Variants in CNGB3 observed in about 807,000 individuals in gnomAD.
The protein encoded by CNGB3 is cyclic nucleotide gated channel subunit beta 3.
In CNGB3, 86 loss-of-function variants were observed where a neutral mutation model predicts 92.8. That is an observed-to-expected ratio of 0.93 (90% confidence interval 0.78 to 1.11). The LOEUF (loss-of-function observed/expected upper bound fraction) is 1.11, where lower values mean the gene tolerates loss of function less well. Ranked by LOEUF, CNGB3 falls within the 50% of genes least tolerant of loss-of-function variation. The pLI is 0.00. For missense variants in CNGB3, 1,026 were observed against 956.8 expected, an observed-to-expected ratio of 1.07 and a Z score of -0.95; for synonymous variants, 333 against 332.7, an observed-to-expected ratio of 1.00 and a Z score of -0.01.
chr8:86,601,602 A>G (rs1325695439), intron 15 of CNGB3, among the ~76,000 whole-genome samples: 2 of 152,150 alleles, frequency 1.3e-5, no homozygotes, highest in South Asian at 2.1e-4. Context: ...CAAAGGTCAC[A>G]GCATTTTTGA....
intron 14 of CNGB3, among the ~76,000 whole-genome samples, chr8:86,605,812 A>G (rs1035742931): frequency 3.3e-5 from 5 of 152,030 alleles, no homozygotes; most frequent in Non-Finnish European, 7.4e-5. Context: ...ACCTAGGTTT[A>G]TTTTCCTGAA....
At chr8:86,691,940 G>A (rs183278120) in intron 3 of CNGB3, among the ~76,000 whole-genome samples, 7 of 152,164 alleles carry the variant, frequency 4.6e-5, no homozygotes, top group African/African-American at 1.7e-4. Context: ...TTATTGTTCA[G>A]TTCAAATAAT....
In CNGB3 at chr8:86,739,885, A is replaced by G; in HGVS notation, c.130-149T>C. The G allele has an allele frequency of 7.9e-6, 8 of 1,009,280 alleles. No individual in the cohort carries two copies. The South Asian group carries it at 1.2e-4, about 15-fold the overall frequency. 62.5% of individuals were successfully genotyped at this position (1,009,280 alleles called of 1,614,324 possible). A position where few individuals can be genotyped will look rare whatever the true frequency, so the allele number is the denominator to read the frequency against. ...TACTAAAAATGATTCTTGCATTTAA[A>G]ATGGGCATTCTTGGCCTACTATTGA... On this transcript the variant is annotated intron_variant, in intron 1 of 17. Transcript: ENST00000320005.
At chr8:86,592,283 G>A (rs1822062679) in intron 15 of CNGB3, among the ~76,000 whole-genome samples, 1 of 152,242 alleles carries the variant, frequency 6.6e-6, no homozygotes, top group South Asian at 2.1e-4. Context: ...AGATGGAAAT[G>A]CAGAAATCAC....
intron 13 of CNGB3, among the ~76,000 whole-genome samples, chr8:86,618,112 T>G (rs1822652193): frequency 6.6e-6 from 1 of 152,150 alleles, no homozygotes; most frequent in Non-Finnish European, 1.5e-5. Context: ...CACAATAGGG[T>G]TCTGCTCCTA....
In CNGB3 at chr8:86,638,037, GT is replaced by G. The variant is rs112562108; in HGVS notation, c.1179-5145del. Among the ~76,000 whole-genome samples the G allele has an allele frequency of 1.0e-2, 1,516 of 152,186 alleles. 23 individuals are homozygous for G. Among genetic ancestry groups the G allele is most frequent in the African/African-American group, 0.035 (1,443 of 41,540 alleles). On this transcript the variant is annotated intron_variant, in intron 10 of 17. Transcript: ENST00000320005. ...CAGTATGGTTTTGAGAGTTATTTAT[GT>G]TGTGTATTGGTAATTTATTCCTTTT... is the stretch of plus-strand genomic sequence containing the variant.
chr8:86,663,060 G>T (rs986528361), intron 6 of CNGB3, among the ~76,000 whole-genome samples: 5 of 152,098 alleles, frequency 3.3e-5, no homozygotes, highest in Non-Finnish European at 7.3e-5. Flanking sequence ...TAGCCTAATC[G>T]ATATTTAACA....
At chr8:86,699,980 A>G (rs890236341) in intron 3 of CNGB3, among the ~76,000 whole-genome samples, 1 of 151,914 alleles carries the variant, frequency 6.6e-6, no homozygotes, top group Admixed American at 6.6e-5. Context: ...TTCAATCCAA[A>G]TCAAGCCAAA....
chr8:86,586,841 G>T (rs1585949209), intron 15 of CNGB3, among the ~76,000 whole-genome samples: 1 of 135,274 alleles, frequency 7.4e-6, no homozygotes, highest in African/African-American at 3.1e-5. Context: ...TAGTCCTTTG[G>T]GTATATACCC....
Position 86,589,852 on chromosome 8 carries a change from G to C in CNGB3, c.1782-10600C>G, listed in dbSNP as rs1821987142. On this transcript the variant is annotated intron_variant, in intron 15 of 17. Coordinates refer to ENST00000320005, the MANE Select transcript of CNGB3 (RefSeq NM_019098.5). Reference sequence around the variant, plus strand: ...TGGAGAGTTCTGTAGATGTCTATTGGGTCTGCTTGGTGCAGAGCTGAGTTC... The same window carrying C: ...TGGAGAGTTCTGTAGATGTCTATTGCGTCTGCTTGGTGCAGAGCTGAGTTC... 4.6e-5 allele frequency among the ~76,000 whole-genome samples: 7 copies of C among 152,028 alleles called. 1 individual carries two copies. In the South Asian group the frequency reaches 1.0e-3, roughly 23 times the overall value.
chr8:86,730,783 A>G (rs1825143113), intron 2 of CNGB3, among the ~76,000 whole-genome samples: 1 of 152,224 alleles, frequency 6.6e-6, no homozygotes, highest in Non-Finnish European at 1.5e-5. Flanking sequence ...TACTTTAATC[A>G]CACTTGAAAT....
At chr8:86,740,989 G>A (rs1164133155) in intron 1 of CNGB3, among the ~76,000 whole-genome samples, 1 of 152,150 alleles carries the variant, frequency 6.6e-6, no homozygotes, top group Admixed American at 6.5e-5. Context: ...TATGTGAAGA[G>A]TGTCTTCTTC....
chr8:86,715,347 C>T (rs575037605), intron 3 of CNGB3, among the ~76,000 whole-genome samples: 2 of 152,142 alleles, frequency 1.3e-5, no homozygotes, highest in Non-Finnish European at 2.9e-5. Flanking sequence ...GCTGAGAGAC[C>T]TGAAGACGGA....
At chr8:86,609,678 G>A (rs748311746) in intron 14 of CNGB3, among the ~76,000 whole-genome samples, 27 of 152,122 alleles carry the variant, frequency 1.8e-4, no homozygotes, top group Admixed American at 7.2e-4. Flanking sequence ...CTGTGTACTT[G>A]GCATCTCCAC....
chr8:86,709,711 T>C (rs1316593344), intron 3 of CNGB3, among the ~76,000 whole-genome samples: 1 of 151,916 alleles, frequency 6.6e-6, no homozygotes, highest in Non-Finnish European at 1.5e-5. Context: ...AAAAAATAAA[T>C]GAAAACATTA....
At chr8:86,698,948 T>C (rs1272435112) in intron 3 of CNGB3, among the ~76,000 whole-genome samples, 1 of 152,216 alleles carries the variant, frequency 6.6e-6, no homozygotes, top group East Asian at 1.9e-4. Flanking sequence ...TTTAGCTTTA[T>C]AAGCTCCTAA....
chr8:86,697,297 CTATCT>C (rs1824468001), intron 3 of CNGB3, among the ~76,000 whole-genome samples: 1 of 152,096 alleles, frequency 6.6e-6, no homozygotes, highest in Non-Finnish European at 1.5e-5. Flanking sequence ...ATTAACTATC[CTATCT>C]TATTTTATTT....
chr8:86,694,717 AC>A (rs1824411263), intron 3 of CNGB3, among the ~76,000 whole-genome samples: 1 of 147,872 alleles, frequency 6.8e-6, no homozygotes, highest in East Asian at 2.0e-4. Flanking sequence ...CCGGGCAGAG[AC>A]GCTCCTCACT....
chr8:86,619,277 T>G (rs1822678932), intron 13 of CNGB3, among the ~76,000 whole-genome samples: 1 of 152,130 alleles, frequency 6.6e-6, no homozygotes, highest in African/African-American at 2.4e-5. Flanking sequence ...TTTAATATGA[T>G]AACATATATT....
Sources: gnomAD v4.1 joint callset for allele counts (sites outside exome capture counted in the v4.1 genomes callset) on GRCh38, gnomAD v4.1.1 for gene constraint, MANE v1.5 for transcripts, NCBI Gene and HGNC (gene_info 2026-07-23, HGNC 2026-07-21) for gene names.